TRAP1: variants seen among roughly 807,000 people sequenced by gnomAD.
TRAP1 encodes the protein TNF receptor associated protein 1.
TRAP1 carries 102 observed loss-of-function variants against 89.1 expected under a neutral mutation model. The ratio of observed to expected loss-of-function variants is 1.15; its 90% CI spans 0.98 to 1.35. The LOEUF (loss-of-function observed/expected upper bound fraction) is 1.35. Ranked by LOEUF, TRAP1 falls within the 40% of genes most tolerant of loss-of-function variation. The probability of loss-of-function intolerance (pLI) is 0.00; values close to 1 mark genes in which losing one functional copy is unlikely to be tolerated. For missense variants in TRAP1, 1,256 were observed against 945.3 expected (o/e 1.33, Z -4.31); for synonymous variants, 508 against 388.0 (o/e 1.31, Z -3.64).
chr16:3,711,227 G>C (rs1187441594), intron 1 of TRAP1, among the ~76,000 whole-genome samples: 1 of 151,894 alleles, frequency 6.6e-6, no homozygotes, highest in Non-Finnish European at 1.5e-5. Flanking sequence ...TGAAGTAACT[G>C]AGCCATTCCT....
At chr16:3,676,013 C>A in intron 7 of TRAP1, 23 bp downstream of exon 7, 1 of 1,598,664 alleles carries the variant, frequency 6.3e-7, no homozygotes, top group Non-Finnish European at 8.5e-7. Flanking sequence ...CCAGAGTGAG[C>A]CTGGGCCCGG....
chr16:3,706,902 G>C (rs528074678), intron 1 of TRAP1, among the ~76,000 whole-genome samples: 1 of 152,098 alleles, frequency 6.6e-6, no homozygotes, highest in African/African-American at 2.4e-5. Flanking sequence ...GTAGAACTGT[G>C]GGGTCATATG....
chr16:3,690,015 T>TA (rs2051192072), intron 2 of TRAP1, among the ~76,000 whole-genome samples: 1 of 147,878 alleles, frequency 6.8e-6, no homozygotes, highest in Non-Finnish European at 1.5e-5. Flanking sequence ...ATGTTCTTTC[T>TA]TTTTTTTTTA....
chr16:3,675,913 C>T, intron 7 of TRAP1, 123 bp downstream of exon 7: 4 of 832,520 alleles, frequency 4.8e-6, no homozygotes, highest in Non-Finnish European at 7.4e-6. Flanking sequence ...AGCGGCTCGG[C>T]CCTTCACGGC....
chr16:3,694,374 C>T (rs1163724786), intron 1 of TRAP1, among the ~76,000 whole-genome samples: 4 of 151,850 alleles, frequency 2.6e-5, no homozygotes, highest in African/African-American at 7.3e-5. Context: ...GACAGAGTCT[C>T]GCTCTGTCAT....
At chr16:3,675,783 G>A (rs1258822949) in intron 7 of TRAP1, among the ~76,000 whole-genome samples, 1 of 152,208 alleles carries the variant, frequency 6.6e-6, no homozygotes, top group East Asian at 1.9e-4. Context: ...TGCACTAAAG[G>A]CCAAGGGCCA....
chr16:3,691,212 C>T (rs967943158), intron 1 of TRAP1: 3 of 346,552 alleles, frequency 8.7e-6, no homozygotes, highest in African/African-American at 2.1e-5. Context: ...TTCTCAGAAC[C>T]GCAGAAGCGA....
intron 9 of TRAP1, among the ~76,000 whole-genome samples, chr16:3,673,799 G>A (rs2050949004): frequency 6.6e-6 from 1 of 152,180 alleles, no homozygotes; most frequent in African/African-American, 2.4e-5. Context: ...GGATTTGCGG[G>A]AACTTCAATG....
rs1193501452 is a variant in TRAP1 at position 3,690,962 on chromosome 16, T to C, written c.112A>G (p.Arg38Gly). Residue 38 changes from arginine to glycine, a missense_variant, in exon 2 of 18, where the codon AGG becomes GGG. Physicochemically the swap from Arg to Gly is moderately radical, Grantham distance 125. Coordinates refer to ENST00000246957, the MANE Select transcript of TRAP1 (RefSeq NM_016292.3). ...PGGKPILCPRRTTAQLGPRRN... is the reference protein window; with the variant it reads ...PGGKPILCPRGTTAQLGPRRN... The stretch of plus-strand genomic sequence containing the variant: ...CTGGGGCCCAACTGGGCTGTGGTCC[T>C]CCGAGGACACAGAATTGGTTTTCCT... The C allele has an allele frequency of 6.5e-7, 1 of 1,543,346 alleles. No individual in the cohort carries two copies. Among genetic ancestry groups the C allele is most frequent in the South Asian group, 1.2e-5 (1 of 81,520 alleles).
At chr16:3,690,779 G>T in intron 2 of TRAP1, 48 bp downstream of exon 2, 4 of 1,346,774 alleles carry the variant, frequency 3.0e-6, no homozygotes, top group Non-Finnish European at 3.9e-6. Context: ...TTTACGCACA[G>T]CAGTGAACCA....
chr16:3,664,628 T>TC, intron 12 of TRAP1, 169 bp from the exon 13 acceptor site: 3 of 685,576 alleles, frequency 4.4e-6, no homozygotes, highest in Non-Finnish European at 7.0e-6. Context: ...GGCCTTGCTC[T>TC]GCCCATCAGG....
chr16:3,703,739 G>C (rs1225421788), intron 1 of TRAP1, among the ~76,000 whole-genome samples: 1 of 152,004 alleles, frequency 6.6e-6, no homozygotes, highest in Non-Finnish European at 1.5e-5. Flanking sequence ...AGTTAGGCTG[G>C]GCGCGGTGGC....
intron 1 of TRAP1, among the ~76,000 whole-genome samples, chr16:3,716,201 G>C (rs1409649368): frequency 6.6e-6 from 1 of 152,166 alleles, no homozygotes; most frequent in Admixed American, 6.6e-5. Context: ...ATAAGATTCA[G>C]CGTTGAAGAA....
intron 14 of TRAP1, 21 bp downstream of exon 14, chr16:3,663,403 T>TA: frequency 6.2e-7 from 1 of 1,613,746 alleles, no homozygotes; most frequent in African/African-American, 1.3e-5. Flanking sequence ...GCCCCACGCC[T>TA]AGAGAGCAGG....
At chr16:3,715,736 C>G (rs1331117559) in intron 1 of TRAP1, among the ~76,000 whole-genome samples, 1 of 152,130 alleles carries the variant, frequency 6.6e-6, no homozygotes, top group Non-Finnish European at 1.5e-5. Context: ...CACTTGAGGT[C>G]AGGCACTGGA....
At chr16:3,712,388 CT>C (rs1177075776) in intron 1 of TRAP1, among the ~76,000 whole-genome samples, 7 of 149,148 alleles carry the variant, frequency 4.7e-5, no homozygotes, top group Non-Finnish European at 8.9e-5. Flanking sequence ...TGGAACTCAC[CT>C]TTGTCACATG....
chr16:3,694,105 C>T (rs1451913967), intron 1 of TRAP1, among the ~76,000 whole-genome samples: 3 of 152,010 alleles, frequency 2.0e-5, no homozygotes, highest in South Asian at 2.1e-4. Flanking sequence ...TGGCAGTAGC[C>T]GGCATCCTTG....
At chr16:3,685,078 T>C (rs1282592852) in intron 4 of TRAP1, among the ~76,000 whole-genome samples, 2 of 152,146 alleles carry the variant, frequency 1.3e-5, no homozygotes, top group East Asian at 3.9e-4. Flanking sequence ...GCACATCCAT[T>C]TTCAATCATC....
intron 11 of TRAP1, among the ~76,000 whole-genome samples, chr16:3,666,716 C>T (rs1206615478): frequency 6.6e-6 from 1 of 152,052 alleles, no homozygotes; most frequent in Non-Finnish European, 1.5e-5. Flanking sequence ...AACAATTTTC[C>T]ATCATTAGGA....
Sources: allele counts gnomAD v4.1 joint callset (sites outside exome capture counted in the v4.1 genomes callset), GRCh38; gene constraint gnomAD v4.1.1; transcripts MANE v1.5; gene names NCBI Gene and HGNC (gene_info 2026-07-23, HGNC 2026-07-21).